Variants in AOPEP observed in about 807,000 individuals in gnomAD.
AOPEP encodes the protein aminopeptidase O.
Under a neutral mutation model 98.1 loss-of-function variants are expected in AOPEP, and 77 were observed. That is an observed-to-expected ratio of 0.78 (90% CI 0.65 to 0.95). The LOEUF is 0.95. Ranked by LOEUF, AOPEP falls within the 40% of genes least tolerant of loss-of-function variation. The pLI is 0.00. For synonymous variants in AOPEP, 346 were observed against 365.3 expected (o/e 0.95, Z 0.60); for missense variants, 1,024 against 1,024.7 (o/e 1.00, Z 0.01).
chr9:94,875,567 G>C (rs1306640904), intron 5 of AOPEP, among the ~76,000 whole-genome samples: 4 of 152,202 alleles, frequency 2.6e-5, no homozygotes, highest in Non-Finnish European at 5.9e-5. Flanking sequence ...TTGGCCACCT[G>C]TGAGTGGTTG....
At chr9:94,966,302 C>T (rs1475767659) in intron 9 of AOPEP, among the ~76,000 whole-genome samples, 1 of 151,784 alleles carries the variant, frequency 6.6e-6, no homozygotes, top group Non-Finnish European at 1.5e-5. Context: ...CTTCGGTCTG[C>T]AGTTCACTGG....
chr9:94,821,466 C>T (rs965509016), intron 5 of AOPEP, among the ~76,000 whole-genome samples: 5 of 152,228 alleles, frequency 3.3e-5, no homozygotes, highest in African/African-American at 9.7e-5. Flanking sequence ...TTTTAATCTT[C>T]AGACTTTGGC....
In AOPEP at chr9:94,792,789, T is replaced by C; in HGVS notation, c.989T>C (p.Val330Ala). 1 of 1,612,736 alleles carries C rather than the reference T, an allele frequency of 6.2e-7. No individual in the cohort carries two copies. Reference protein sequence around the residue: ...WEECSSWYYYVTMPMPASTFT... With the variant: ...WEECSSWYYYATMPMPASTFT... ...GAGTGCTCAAGCTGGTATTACTATG[T>C]AACTATGCCAATGCCAGCCTCCACC... The change falls in exon 4 of 17, where the codon GTA becomes GCA. Residue 330 changes from valine (V) to alanine (A), a missense_variant. This residue lies in a region of AOPEP where 440 missense variants were observed against 433.8 expected (regional missense o/e 1.01). Coordinates refer to ENST00000375315, the MANE Select transcript of AOPEP (RefSeq NM_001193329.3).
chr9:95,000,838 T>A (rs1589220539), intron 11 of AOPEP, among the ~76,000 whole-genome samples: 1 of 152,340 alleles, frequency 6.6e-6, no homozygotes, highest in Admixed American at 6.5e-5. Context: ...ATTCCTACTT[T>A]TAAATTCACC....
intron 2 of AOPEP, among the ~76,000 whole-genome samples, chr9:94,771,097 C>T (rs1172917366): frequency 6.6e-6 from 1 of 152,134 alleles, no homozygotes; most frequent in East Asian, 1.9e-4. Context: ...TTGGGGGCCA[C>T]ATACCTAAGG....
intron 1 of AOPEP, among the ~76,000 whole-genome samples, chr9:94,742,922 G>A (rs1833492647): frequency 6.6e-6 from 1 of 152,146 alleles, no homozygotes; most frequent in Admixed American, 6.5e-5. Context: ...GAGATAGGAG[G>A]CAGGGATGTA....
At chr9:94,854,094 G>A (rs1271651335) in intron 5 of AOPEP, among the ~76,000 whole-genome samples, 1 of 152,134 alleles carries the variant, frequency 6.6e-6, no homozygotes, top group Non-Finnish European at 1.5e-5. Context: ...GAATGAAAAA[G>A]GTAAGTTGGG....
rs555393908 is a variant in AOPEP, at chr9:94,843,506, G to T, written c.1364+42504G>T. On this transcript the variant is annotated intron_variant, in intron 5 of 16. Coordinates refer to ENST00000375315, the MANE Select transcript of AOPEP (RefSeq NM_001193329.3). ...TCTACTGTGTCTTATTATGTCCTCA[G>T]TGCTGGGCACAGTGTCTGGCATCTA... 3.3e-5 allele frequency among the ~76,000 whole-genome samples: 5 copies of T among 152,340 alleles called. No homozygotes were observed. The South Asian group carries it at 1.0e-3, about 32-fold the overall frequency.
At chr9:94,830,263 A>G (rs541212965) in intron 5 of AOPEP, among the ~76,000 whole-genome samples, 45 of 152,244 alleles carry the variant, frequency 3.0e-4, no homozygotes, top group African/African-American at 9.6e-4. Context: ...TCATCATTCA[A>G]CTTTCACTTA....
intron 3 of AOPEP, among the ~76,000 whole-genome samples, chr9:94,788,262 A>G (rs1273676626): frequency 2.6e-5 from 4 of 151,970 alleles, no homozygotes; most frequent in Non-Finnish European, 5.9e-5. Context: ...TTTTTTTTGT[A>G]GAGATGGGAT....
intron 1 of AOPEP, among the ~76,000 whole-genome samples, chr9:94,740,902 A>G (rs774016594): frequency 1.3e-5 from 2 of 152,238 alleles, no homozygotes; most frequent in Non-Finnish European, 2.9e-5. Flanking sequence ...ATGAGTTAAT[A>G]CATTGAAAGG....
Position 95,005,186 on chromosome 9 carries a change from C to T in AOPEP, c.2006C>T (p.Ala669Val), listed in dbSNP as rs1345944414. Reference protein sequence around the residue: ...KPLQRERRAGAECGLARQVRA... With the variant: ...KPLQRERRAGVECGLARQVRA... Reference sequence around the variant, plus strand: ...CTGCAGAGGGAGCGTCGCGCCGGGGCGGAGTGCGGGCTTGCGCGGCAAGTG... The same window carrying T: ...CTGCAGAGGGAGCGTCGCGCCGGGGTGGAGTGCGGGCTTGCGCGGCAAGTG... The change falls in exon 12 of 17, where the codon GCG becomes GTG. Residue 669 changes from alanine (A) to valine (V), a missense_variant. Physicochemically the swap from Ala to Val is moderately conservative, Grantham distance 64. Transcript: ENST00000375315. 2.6e-6 allele frequency: 3 copies of T among 1,148,886 alleles called. No individual in the cohort carries two copies. Among genetic ancestry groups the T allele is most frequent in the Non-Finnish European group, 3.2e-6 (3 of 931,432 alleles). The allele number at this position is 1,148,886 out of a possible 1,614,324, so 71.2% of individuals were successfully genotyped here.
chr9:94,737,051 A>T (rs574001880), intron 1 of AOPEP, among the ~76,000 whole-genome samples: 1 of 152,320 alleles, frequency 6.6e-6, no homozygotes, highest in Admixed American at 6.5e-5. Context: ...AACTGGAGTG[A>T]AAGGATATGT....
intron 9 of AOPEP, 79 bp from the exon 10 acceptor site, chr9:94,967,679 G>C: frequency 1.7e-6 from 2 of 1,173,060 alleles, no homozygotes; most frequent in Non-Finnish European, 2.6e-6. Flanking sequence ...GTAGCTGGGA[G>C]CACTCAGCCT....
chr9:94,923,386 A>G (rs2053878514), intron 5 of AOPEP, among the ~76,000 whole-genome samples: 1 of 152,170 alleles, frequency 6.6e-6, no homozygotes, highest in Admixed American at 6.5e-5. Context: ...GCACTTGCAG[A>G]TATGATGGAA....
the AOPEP span, chr9:95,114,096 AAAAC>A: frequency 2.7e-5 from 5 of 188,474 alleles, no homozygotes; most frequent in Non-Finnish European, 5.7e-5. Flanking sequence ...CTAAAAATTT[AAAAC>A]AAACCAACCA....
intron 1 of AOPEP, among the ~76,000 whole-genome samples, chr9:94,748,557 A>G (rs1267527635): frequency 6.6e-6 from 1 of 152,216 alleles, no homozygotes; most frequent in Non-Finnish European, 1.5e-5. Flanking sequence ...TAAACTAAAA[A>G]TGTAGCCCTG....
the AOPEP span, among the ~76,000 whole-genome samples, chr9:95,135,836 T>C: frequency 4.1e-3 from 618 of 152,292 alleles, 3 homozygotes; most frequent in Middle Eastern, 6.8e-3. Flanking sequence ...AGTCCCTAAC[T>C]GAAGAAATAG....
intron 7 of AOPEP, among the ~76,000 whole-genome samples, chr9:94,950,812 G>A (rs937536096): frequency 2.8e-4 from 42 of 152,196 alleles, no homozygotes; most frequent in Non-Finnish European, 2.9e-5. Flanking sequence ...TGGAGGGCCC[G>A]CCTGGGTGGG....
Sources: allele counts gnomAD v4.1 joint callset (sites outside exome capture counted in the v4.1 genomes callset), GRCh38; gene constraint gnomAD v4.1.1; regional missense constraint gnomAD v4.1.1; transcripts MANE v1.5; gene names NCBI Gene and HGNC (gene_info 2026-07-23, HGNC 2026-07-21).